PARD3B: variants seen among roughly 807,000 people sequenced by gnomAD.
PARD3B encodes the protein partitioning defective 3 homolog B.
In PARD3B, 103 loss-of-function variants were observed where a neutral mutation model predicts 130.2. The ratio of observed to expected loss-of-function variants is 0.79; its 90% CI spans 0.67 to 0.93. The LOEUF is 0.93. Among genes scored for constraint, PARD3B ranks in the 40% least tolerant of loss-of-function variants. PARD3B has a pLI of 0.00. For synonymous variants in PARD3B, 583 were observed against 553.2 expected (o/e 1.05, Z -0.76); for missense variants, 1,609 against 1,499.2 (o/e 1.07, Z -1.21).
chr2:204,746,143 T>C (rs13028689), intron 2 of PARD3B, among the ~76,000 whole-genome samples: 76,014 of 98,666 alleles, frequency 0.77, 29,396 homozygotes, highest in East Asian at 0.89. Context: ...CCCCCCACCC[T>C]ACAAGAGGCC....
intron 22 of PARD3B, among the ~76,000 whole-genome samples, chr2:205,593,984 AG>A (rs1263081336): frequency 6.6e-6 from 1 of 152,190 alleles, no homozygotes; most frequent in Non-Finnish European, 1.5e-5. Context: ...ATTACTTTAC[AG>A]ATGGAGAAAC....
chr2:204,821,016 A>G (rs1215922421), intron 2 of PARD3B, among the ~76,000 whole-genome samples: 1 of 152,228 alleles, frequency 6.6e-6, no homozygotes, highest in Non-Finnish European at 1.5e-5. Context: ...CTCAGAAACC[A>G]GATTCCTTTC....
chr2:204,942,641 G>A (rs767398860), intron 2 of PARD3B, among the ~76,000 whole-genome samples: 49 of 151,848 alleles, frequency 3.2e-4, no homozygotes, highest in Non-Finnish European at 4.4e-4. Flanking sequence ...AAAAAGACAA[G>A]TAGTTATACA....
chr2:204,744,241 C>T (rs1574870335), intron 2 of PARD3B, among the ~76,000 whole-genome samples: 1 of 152,094 alleles, frequency 6.6e-6, no homozygotes, highest in African/African-American at 2.4e-5. Context: ...ATATATTCTC[C>T]TGTATCCGAC....
chr2:204,702,865 C>G (rs1436993434), intron 2 of PARD3B, among the ~76,000 whole-genome samples: 1 of 152,140 alleles, frequency 6.6e-6, no homozygotes, highest in East Asian at 1.9e-4. Context: ...CGTGAGCCAC[C>G]ATGCCTGGCC....
At chr2:204,583,622 T>TAAAAAAAAA (rs1183973275) in intron 1 of PARD3B, among the ~76,000 whole-genome samples, 1 of 70,744 alleles carries the variant, frequency 1.4e-5, no homozygotes, top group Admixed American at 1.7e-4. Flanking sequence ...ACTTAAAGTA[T>TAAAAAAAAA]AAAAAAAAAA....
At chr2:205,242,479 G>A (rs1031752987) in intron 15 of PARD3B, among the ~76,000 whole-genome samples, 8 of 152,064 alleles carry the variant, frequency 5.3e-5, no homozygotes, top group Admixed American at 2.6e-4. Context: ...TAATAAAACC[G>A]TACAGTCTAG....
At chr2:205,569,082 T>A (rs549793207) in intron 22 of PARD3B, among the ~76,000 whole-genome samples, 3 of 152,352 alleles carry the variant, frequency 2.0e-5, no homozygotes, top group Middle Eastern at 6.8e-3. Flanking sequence ...ATTTAATAGG[T>A]TAAAAAGTAA....
intron 2 of PARD3B, among the ~76,000 whole-genome samples, chr2:204,706,409 A>T (rs964980062): frequency 2.0e-5 from 3 of 151,912 alleles, no homozygotes; most frequent in African/African-American, 7.2e-5. Context: ...GTAAGGAGAA[A>T]TCCATCCAGA....
chr2:204,884,634 G>T (rs1482722832), intron 2 of PARD3B, among the ~76,000 whole-genome samples: 1 of 152,068 alleles, frequency 6.6e-6, no homozygotes, highest in Non-Finnish European at 1.5e-5. Flanking sequence ...ACAGGCCCCA[G>T]TGTGTGTTGT....
intron 2 of PARD3B, among the ~76,000 whole-genome samples, chr2:204,695,554 C>T (rs2037572031): frequency 6.6e-6 from 1 of 152,142 alleles, no homozygotes; most frequent in East Asian, 1.9e-4. Flanking sequence ...TTTAAGCTGT[C>T]TCAACCTCAG....
intron 21 of PARD3B, among the ~76,000 whole-genome samples, chr2:205,539,593 A>C (rs1401463467): frequency 6.6e-6 from 1 of 152,188 alleles, no homozygotes; most frequent in African/African-American, 2.4e-5. Flanking sequence ...GTAGCAGCCC[A>C]GCTGTCACAA....
At chr2:204,643,171 G>T (rs1574605836) in intron 1 of PARD3B, among the ~76,000 whole-genome samples, 1 of 134,364 alleles carries the variant, frequency 7.4e-6, no homozygotes, top group East Asian at 2.3e-4. Context: ...TCTCTCTCCT[G>T]CTCCACCATG....
intron 21 of PARD3B, among the ~76,000 whole-genome samples, chr2:205,538,461 T>C (rs1027320975): frequency 7.8e-5 from 10 of 127,898 alleles, no homozygotes; most frequent in Admixed American, 7.7e-4. Context: ...AATAAGATGG[T>C]CACGTGTGTG....
intron 22 of PARD3B, among the ~76,000 whole-genome samples, chr2:205,578,489 A>C (rs1440815411): frequency 6.6e-6 from 1 of 152,252 alleles, no homozygotes; most frequent in Non-Finnish European, 1.5e-5. Flanking sequence ...GCTATAGTTA[A>C]ATTATTGGCG....
chr2:204,983,666 A>C (rs142751580), intron 3 of PARD3B, among the ~76,000 whole-genome samples: 1 of 152,314 alleles, frequency 6.6e-6, no homozygotes, highest in Non-Finnish European at 1.5e-5. Flanking sequence ...TCCGTTTCTT[A>C]AAAGCAGAAG....
In PARD3B at chr2:204,989,957, G is replaced by T. The variant is rs541964842; in HGVS notation, c.394+24634G>T. ...AAATATACTTAGAATGAAATTGTTTGTTTATAGAATATATTACTTTTGAAA... is the reference window on the plus strand; with the variant it reads ...AAATATACTTAGAATGAAATTGTTTTTTTATAGAATATATTACTTTTGAAA... On this transcript the variant is annotated intron_variant, in intron 3 of 22. Coordinates refer to ENST00000406610, the MANE Select transcript of PARD3B (RefSeq NM_001302769.2). Among the ~76,000 whole-genome samples the T allele has an allele frequency of 3.1e-3, 478 of 152,080 alleles. 6 individuals are homozygous for T. Among genetic ancestry groups the T allele is most frequent in the African/African-American group, 0.011 (450 of 41,498 alleles).
At position 205,125,474 on chromosome 2, in the gene PARD3B, T is replaced by G. The variant is rs957571985; in HGVS notation, c.1306-135T>G. 9 of 950,210 alleles carry G rather than the reference T, an allele frequency of 9.5e-6. No homozygotes were observed. In the Admixed American group the frequency reaches 2.1e-4, roughly 22 times the overall value. 58.9% of individuals were successfully genotyped at this position (950,210 alleles called of 1,614,324 possible). ...GGGAAATATTGTTGGGTTTTGCCCA[T>G]GTATTTAGTTATCATCTTTTCAGAG... On this transcript the variant is annotated intron_variant, in intron 9 of 22. Transcript: ENST00000406610. The surrounding 1 kb of genome is among the most constrained non-coding windows in gnomAD (Gnocchi z 4.0).
intron 15 of PARD3B, among the ~76,000 whole-genome samples, chr2:205,211,065 G>A (rs1211195825): frequency 1.3e-5 from 2 of 152,054 alleles, no homozygotes; most frequent in African/African-American, 2.4e-5. Flanking sequence ...ATGAGGCAGA[G>A]GCAGAATTCA....
Sources: allele counts gnomAD v4.1 joint callset (sites outside exome capture counted in the v4.1 genomes callset), GRCh38; gene constraint gnomAD v4.1.1; non-coding constraint Gnocchi (gnomAD v3.1); transcripts MANE v1.5; gene names NCBI Gene and HGNC (gene_info 2026-07-23, HGNC 2026-07-21).